Variants in ADAMTSL1 observed in about 807,000 individuals in gnomAD.
The protein encoded by ADAMTSL1 is ADAMTS like 1.
ADAMTSL1 carries 126 observed loss-of-function variants against 201.8 expected under a neutral mutation model. The ratio of observed to expected loss-of-function variants is 0.62; its 90% confidence interval spans 0.54 to 0.72. ADAMTSL1 has a LOEUF of 0.72. ADAMTSL1 is among the 30% of genes least tolerant of loss of function. The pLI is 0.00. For synonymous variants in ADAMTSL1, 1,121 were observed against 903.4 expected, an observed-to-expected ratio of 1.24 and a Z score of -4.32; for missense variants, 2,679 against 2,277.8, an observed-to-expected ratio of 1.18 and a Z score of -3.59.
intron 13 of ADAMTSL1, among the ~76,000 whole-genome samples, chr9:18,703,701 C>CATAT (rs72258520): frequency 0.016 from 1,298 of 78,718 alleles, 54 homozygotes; most frequent in African/African-American, 0.033. Flanking sequence ...TGCGCACATA[C>CATAT]ATATATATAT....
At chr9:18,541,780 G>A (rs1820165924) in intron 3 of ADAMTSL1, among the ~76,000 whole-genome samples, 2 of 152,118 alleles carry the variant, frequency 1.3e-5, no homozygotes, top group African/African-American at 4.8e-5. Context: ...CAATGTTAAT[G>A]GTAATTTTAA....
intron 1 of ADAMTSL1, among the ~76,000 whole-genome samples, chr9:18,137,159 A>G (rs777066574): frequency 1.2e-4 from 18 of 152,198 alleles, no homozygotes; most frequent in Non-Finnish European, 2.5e-4. Flanking sequence ...ATAGTAGCCC[A>G]GGTTTCTGAG....
rs1826271158 is a variant in ADAMTSL1, at chr9:17,920,815, A to G, written c.87+13893A>G. 1.3e-5 allele frequency among the ~76,000 whole-genome samples: 2 copies of G among 152,234 alleles called. 1 individual carries two copies. The highest frequency in any genetic ancestry group is 4.1e-4 in the South Asian group (2 of 4,832). Reference sequence around the variant, plus strand: ...CTCAACTCTGCCTTTATAGCATGAAAGAAGCCTAGACAGTTGTAAACAAAT... The same window carrying G: ...CTCAACTCTGCCTTTATAGCATGAAGGAAGCCTAGACAGTTGTAAACAAAT... On this transcript the variant is annotated intron_variant, in intron 1 of 29. Coordinates refer to the ADAMTSL1 transcript ENST00000680146.
chr9:18,768,131 G>A (rs568227731), intron 16 of ADAMTSL1, among the ~76,000 whole-genome samples: 87 of 152,338 alleles, frequency 5.7e-4, no homozygotes, highest in African/African-American at 2.0e-3. Context: ...GCCAGTCAGG[G>A]ATGGTCACAA....
chr9:18,305,936 A>G (rs952700955), intron 2 of ADAMTSL1, among the ~76,000 whole-genome samples: 2 of 152,162 alleles, frequency 1.3e-5, no homozygotes, highest in Admixed American at 6.5e-5. Context: ...GCAGGGCTCA[A>G]TAGACACCTC....
chr9:18,785,525 T>C (rs1240941891), intron 19 of ADAMTSL1, among the ~76,000 whole-genome samples: 1 of 152,230 alleles, frequency 6.6e-6, no homozygotes, highest in Non-Finnish European at 1.5e-5. Context: ...ATGTTTACAG[T>C]GTTGATGGCT....
intron 2 of ADAMTSL1, among the ~76,000 whole-genome samples, chr9:18,412,099 T>C (rs762225260): frequency 1.8e-4 from 28 of 152,230 alleles, no homozygotes; most frequent in Admixed American, 7.2e-4. Flanking sequence ...ATTCTGGATT[T>C]TGCTAATTGC....
At chr9:18,211,099 G>A (rs1330446664) in intron 2 of ADAMTSL1, among the ~76,000 whole-genome samples, 1 of 152,104 alleles carries the variant, frequency 6.6e-6, no homozygotes, top group Non-Finnish European at 1.5e-5. Flanking sequence ...TAACCCTGGA[G>A]CACTATTTAA....
intron 3 of ADAMTSL1, among the ~76,000 whole-genome samples, chr9:18,571,972 C>T (rs1018690145): frequency 1.3e-5 from 2 of 152,098 alleles, no homozygotes; most frequent in African/African-American, 4.8e-5. Context: ...GCAGGTGGAT[C>T]ACCTGAGGTC....
At chr9:18,214,117 C>G (rs1159759289) in intron 2 of ADAMTSL1, among the ~76,000 whole-genome samples, 1 of 152,134 alleles carries the variant, frequency 6.6e-6, no homozygotes, top group African/African-American at 2.4e-5. Flanking sequence ...TCTTAGTGAT[C>G]TGTAGGCTTA....
intron 2 of ADAMTSL1, among the ~76,000 whole-genome samples, chr9:18,212,970 T>C (rs1157592599): frequency 6.6e-6 from 1 of 152,246 alleles, no homozygotes; most frequent in African/African-American, 2.4e-5. Context: ...TGCAAATTAC[T>C]AGCATTTTGA....
chr9:18,738,174 A>T (rs934863508), intron 15 of ADAMTSL1, among the ~76,000 whole-genome samples: 1 of 152,216 alleles, frequency 6.6e-6, no homozygotes, highest in African/African-American at 2.4e-5. Context: ...TGGTCACTAG[A>T]CATCATATAT....
At chr9:18,202,013 T>A (rs1215799497) in intron 2 of ADAMTSL1, among the ~76,000 whole-genome samples, 2 of 152,170 alleles carry the variant, frequency 1.3e-5, no homozygotes, top group African/African-American at 4.8e-5. Flanking sequence ...AAGAGAATAA[T>A]TCAATATGAT....
intron 2 of ADAMTSL1, among the ~76,000 whole-genome samples, chr9:18,407,551 G>T (rs953838099): frequency 2.9e-4 from 44 of 152,188 alleles, no homozygotes; most frequent in African/African-American, 9.7e-4. Flanking sequence ...GGAAGCCAGG[G>T]TAAAGCAATG....
intron 14 of ADAMTSL1, among the ~76,000 whole-genome samples, chr9:18,712,344 C>T (rs143344542): frequency 6.6e-6 from 1 of 151,940 alleles, no homozygotes; most frequent in African/African-American, 2.4e-5. Context: ...AAGTTGAAAA[C>T]TTTGAAAAAA....
rs1050754875 is a variant in ADAMTSL1 at position 18,906,547 on chromosome 9, C to T, written c.4962-145C>T. ...AGATCATATGGCCTTTTAGTAACAG[C>T]ACAGAAATCAGAATCCAGGTCTAGT... On this transcript the variant is annotated intron_variant, in intron 27 of 28. Transcript: ENST00000380548. 9 of 672,448 alleles carry T rather than the reference C, an allele frequency of 1.3e-5. No homozygotes were observed. The Admixed American group carries it at 2.1e-4, about 16-fold the overall frequency. 41.7% of individuals were successfully genotyped at this position (672,448 alleles called of 1,614,324 possible).
chr9:17,925,101 A>G (rs1677915209), intron 1 of ADAMTSL1, among the ~76,000 whole-genome samples: 2 of 89,822 alleles, frequency 2.2e-5, no homozygotes, highest in Non-Finnish European at 4.7e-5. Context: ...AACACATGAA[A>G]AAATGCTCAT....
intron 2 of ADAMTSL1, among the ~76,000 whole-genome samples, chr9:18,212,360 G>A (rs143818116): frequency 1.4e-4 from 21 of 152,216 alleles, no homozygotes; most frequent in African/African-American, 5.1e-4. Context: ...TTCCAAGTGT[G>A]TCCATAATTT....
At chr9:18,068,545 A>G (rs1822812881) in intron 1 of ADAMTSL1, among the ~76,000 whole-genome samples, 1 of 152,090 alleles carries the variant, frequency 6.6e-6, no homozygotes, top group Non-Finnish European at 1.5e-5. Flanking sequence ...ATACCAATGA[A>G]CAAATGCACC....
Sources: gnomAD v4.1 joint callset for allele counts (sites outside exome capture counted in the v4.1 genomes callset) on GRCh38, gnomAD v4.1.1 for gene constraint, MANE v1.5 for transcripts, NCBI Gene and HGNC (gene_info 2026-07-23, HGNC 2026-07-21) for gene names.